EHBP1: variants seen among roughly 807,000 people sequenced by gnomAD.
EHBP1 encodes EH domain-binding protein 1.
EHBP1 carries 55 observed loss-of-function variants against 144.0 expected under a neutral mutation model. That is an observed-to-expected ratio of 0.38 (90% CI 0.31 to 0.48). The LOEUF is 0.48. EHBP1 is among the 20% of genes least tolerant of loss of function. EHBP1 has a pLI of 0.98. For synonymous variants in EHBP1, 469 were observed against 472.7 expected, an observed-to-expected ratio of 0.99 and a Z score of 0.10; for missense variants, 1,200 against 1,364.2, an observed-to-expected ratio of 0.88 and a Z score of 1.90.
intron 12 of EHBP1, 104 bp from the exon 13 acceptor site, chr2:62,948,156 C>T (rs1293657486): frequency 4.9e-6 from 5 of 1,016,652 alleles, no homozygotes; most frequent in East Asian, 2.7e-5. Context: ...GACATAATGT[C>T]GATAACATGT....
chr2:62,961,882 A>C (rs1023044998), intron 14 of EHBP1, among the ~76,000 whole-genome samples: 2 of 152,136 alleles, frequency 1.3e-5, no homozygotes, highest in Non-Finnish European at 2.9e-5. Flanking sequence ...CAGAAAAATT[A>C]GTCAGGCATG....
chr2:62,881,162 T>C (rs115050670), intron 10 of EHBP1, among the ~76,000 whole-genome samples: 4,527 of 152,098 alleles, frequency 0.03, 212 homozygotes, highest in African/African-American at 0.1. Context: ...ATACTGCATG[T>C]TGTCACTTAT....
At chr2:62,742,076 G>A (rs533041857) in intron 2 of EHBP1, among the ~76,000 whole-genome samples, 3 of 152,180 alleles carry the variant, frequency 2.0e-5, no homozygotes, top group African/African-American at 7.2e-5. Flanking sequence ...ACAGTAACAT[G>A]CTGTACAGGT....
intron 10 of EHBP1, among the ~76,000 whole-genome samples, chr2:62,889,922 C>T (rs556375949): frequency 7.4e-5 from 11 of 148,322 alleles, no homozygotes; most frequent in African/African-American, 2.0e-4. Flanking sequence ...GGATTGCCTT[C>T]GCTATTCAGG....
intron 3 of EHBP1, among the ~76,000 whole-genome samples, chr2:62,751,583 G>A (rs965305816): frequency 1.1e-4 from 17 of 152,134 alleles, no homozygotes; most frequent in African/African-American, 4.1e-4. Flanking sequence ...TTGTACCTCC[G>A]GTAGAATTCG....
chr2:62,813,334 A>G (rs1357985976), intron 5 of EHBP1, among the ~76,000 whole-genome samples: 1 of 152,214 alleles, frequency 6.6e-6, no homozygotes, highest in Non-Finnish European at 1.5e-5. Context: ...GGGGGCATGG[A>G]TACCTCTACC....
chr2:62,724,311 C>T (rs2036534816), intron 2 of EHBP1, among the ~76,000 whole-genome samples: 1 of 152,144 alleles, frequency 6.6e-6, no homozygotes, highest in African/African-American at 2.4e-5. Context: ...AGTGTGTAAC[C>T]AATTCTGTCA....
chr2:62,963,016 G>A (rs1351042852), intron 14 of EHBP1, among the ~76,000 whole-genome samples: 1 of 152,180 alleles, frequency 6.6e-6, no homozygotes, highest in Non-Finnish European at 1.5e-5. Flanking sequence ...GCAAGTCCTG[G>A]AAGGTTTGCA....
At chr2:62,747,560 T>A (rs2039276734) in intron 3 of EHBP1, 108 bp downstream of exon 3, 1 of 866,802 alleles carries the variant, frequency 1.2e-6, no homozygotes, top group Non-Finnish European at 1.8e-6. Flanking sequence ...TTTGTTTTTT[T>A]TTCTTGATTG....
intron 7 of EHBP1, among the ~76,000 whole-genome samples, chr2:62,855,827 A>G (rs1458942794): frequency 1.3e-5 from 2 of 152,028 alleles, no homozygotes; most frequent in Non-Finnish European, 2.9e-5. Flanking sequence ...AAGAGGAGCA[A>G]CCCGTTCCAG....
At chr2:62,911,948 A>C (rs1476374240) in intron 10 of EHBP1, among the ~76,000 whole-genome samples, 1 of 152,230 alleles carries the variant, frequency 6.6e-6, no homozygotes, top group Non-Finnish European at 1.5e-5. Context: ...CTAAAATTTT[A>C]TGTGTGAAAT....
intron 5 of EHBP1, among the ~76,000 whole-genome samples, chr2:62,775,905 T>C (rs2042023297): frequency 6.6e-6 from 1 of 152,208 alleles, no homozygotes; most frequent in African/African-American, 2.4e-5. Flanking sequence ...AATAACTAGC[T>C]ACCTTAATAA....
At chr2:62,787,090 C>T (rs1052547469) in intron 5 of EHBP1, among the ~76,000 whole-genome samples, 7 of 152,116 alleles carry the variant, frequency 4.6e-5, no homozygotes, top group African/African-American at 9.7e-5. Context: ...TCTGACAAGA[C>T]GCTGTCTTTC....
intron 10 of EHBP1, among the ~76,000 whole-genome samples, chr2:62,912,671 T>G (rs2054320979): frequency 6.6e-6 from 1 of 152,232 alleles, no homozygotes; most frequent in Non-Finnish European, 1.5e-5. Context: ...AATGTTAAAG[T>G]GTATTTAAAT....
chr2:62,957,649 T>TTTTTTTTTTTTTTTTC (rs2057773857), intron 14 of EHBP1, among the ~76,000 whole-genome samples: 3 of 128,044 alleles, frequency 2.3e-5, no homozygotes, highest in Admixed American at 7.7e-5. Flanking sequence ...TGCTTTTTTT[T>TTTTTTTTTTTTTTTTC]TTTTTTTTTT....
At chr2:62,870,891 G>A (rs2050426741) in intron 9 of EHBP1, among the ~76,000 whole-genome samples, 1 of 151,654 alleles carries the variant, frequency 6.6e-6, no homozygotes, top group Admixed American at 6.6e-5. Context: ...CCTGGGTATG[G>A]CTAGGTTTTG....
At chr2:62,997,136 A>AT (rs2059665534) in intron 19 of EHBP1, among the ~76,000 whole-genome samples, 1 of 152,174 alleles carries the variant, frequency 6.6e-6, no homozygotes, top group Non-Finnish European at 1.5e-5. Context: ...ACTGCATGAA[A>AT]CAGAGCACTG....
chr2:62,851,614 C>T (rs2048699880), intron 7 of EHBP1, among the ~76,000 whole-genome samples: 1 of 152,148 alleles, frequency 6.6e-6, no homozygotes, highest in African/African-American at 2.4e-5. Context: ...GGTACTAGCA[C>T]AGGCATGTAA....
At chr2:62,716,744 C>A (rs1053020499) in intron 2 of EHBP1, among the ~76,000 whole-genome samples, 1 of 152,194 alleles carries the variant, frequency 6.6e-6, no homozygotes, top group African/African-American at 2.4e-5. Flanking sequence ...TGAGAGGAAG[C>A]AATCTGGAAG....
Sources: allele counts gnomAD v4.1 joint callset (sites outside exome capture counted in the v4.1 genomes callset), GRCh38; gene constraint gnomAD v4.1.1; transcripts MANE v1.5; gene names NCBI Gene and HGNC (gene_info 2026-07-23, HGNC 2026-07-21).